Variants in PDGFRA observed in about 807,000 individuals in gnomAD.
The protein encoded by PDGFRA is platelet-derived growth factor receptor alpha.
Under a neutral mutation model 121.5 loss-of-function variants are expected in PDGFRA, and 25 were observed. The ratio of observed to expected loss-of-function variants is 0.21; its 90% CI spans 0.15 to 0.29. The LOEUF is 0.29. Ranked by LOEUF, PDGFRA falls within the 10% of genes least tolerant of loss-of-function variation. PDGFRA has a pLI of 1.00. For missense variants in PDGFRA, 1,008 were observed against 1,345.1 expected (o/e 0.75, Z 3.92); for synonymous variants, 463 against 494.8 (o/e 0.94, Z 0.85).
chr4:54,241,375 A>G (rs1386154940), intron 1 of PDGFRA, among the ~76,000 whole-genome samples: 1 of 152,130 alleles, frequency 6.6e-6, no homozygotes, highest in Non-Finnish European at 1.5e-5. Flanking sequence ...AGGTAGAATG[A>G]CTGATTGTTT....
intron 21 of PDGFRA, among the ~76,000 whole-genome samples, chr4:54,289,924 T>G (rs11133317): frequency 0.76 from 115,628 of 152,220 alleles, 45,569 homozygotes; most frequent in Middle Eastern, 0.89. Flanking sequence ...CATCCAATGT[T>G]AGACCTCTCC....
In PDGFRA at chr4:54,272,283, G is replaced by A. The variant is rs113886999; in HGVS notation, c.1238-111G>A. ...TTGTACAACTGGTTTCAGCCCCTCC[G>A]GAGTGTTTTGAATGCCATGTAGATG... is the stretch of plus-strand genomic sequence containing the variant. On this transcript the variant is annotated intron_variant, in intron 8 of 22. Transcript: ENST00000257290. 129 of 1,131,424 alleles carry A rather than the reference G, an allele frequency of 1.1e-4. No individual in the cohort carries two copies. In the African/African-American group the frequency reaches 1.3e-3, roughly 11 times the overall value. The allele number at this position is 1,131,424 out of a possible 1,614,324, so 70.1% of individuals were successfully genotyped here. A position where few individuals can be genotyped will look rare whatever the true frequency, so the allele number is the denominator to read the frequency against.
At chr4:54,288,370 A>G (rs1259464876) in intron 19 of PDGFRA, among the ~76,000 whole-genome samples, 3 of 152,164 alleles carry the variant, frequency 2.0e-5, no homozygotes, top group African/African-American at 4.8e-5. Flanking sequence ...CAGTGGCTTA[A>G]TGGAGTCCTG....
chr4:54,253,467 G>A (rs769822832), intron 1 of PDGFRA, among the ~76,000 whole-genome samples: 10 of 152,120 alleles, frequency 6.6e-5, no homozygotes, highest in Non-Finnish European at 1.3e-4. Flanking sequence ...AAGAGGATGG[G>A]GGTAAAGCAC....
At chr4:54,243,820 G>A (rs1721449355) in intron 1 of PDGFRA, 1 of 152,360 alleles carries the variant, frequency 6.6e-6, no homozygotes, top group Admixed American at 6.5e-5. Flanking sequence ...GTCAAAGAAA[G>A]GGGTGACAGA....
At chr4:54,259,203 A>G (rs1722549433) in intron 2 of PDGFRA, among the ~76,000 whole-genome samples, 1 of 152,122 alleles carries the variant, frequency 6.6e-6, no homozygotes, top group African/African-American at 2.4e-5. Flanking sequence ...CAGCCCCTTG[A>G]GCAGCTGAGG....
rs559117715 is a variant in PDGFRA at position 54,280,595 on chromosome 4, G to A, written c.2323+113G>A. On this transcript the variant is annotated intron_variant, in intron 16 of 22. Transcript: ENST00000257290. Reference sequence around the variant, plus strand: ...ATGGTAAGTGAACCTGGCAGCCCACGTGGTCTCTAAATGCAGGTCTGCACA... The same window carrying A: ...ATGGTAAGTGAACCTGGCAGCCCACATGGTCTCTAAATGCAGGTCTGCACA... 200 of 836,976 alleles carry A rather than the reference G, an allele frequency of 2.4e-4. 3 individuals carry two copies. In the South Asian group the frequency reaches 2.7e-3, roughly 11 times the overall value. The allele number at this position is 836,976 out of a possible 1,614,324, so 51.8% of individuals were successfully genotyped here. A position where few individuals can be genotyped will look rare whatever the true frequency, so the allele number is the denominator to read the frequency against.
At chr4:54,270,523 GACTTT>G in intron 7 of PDGFRA, 105 bp from the exon 8 acceptor site, 1 of 705,964 alleles carries the variant, frequency 1.4e-6, no homozygotes, top group Non-Finnish European at 2.6e-6. Context: ...AAAAAAAGAT[GACTTT>G]ACTTTTTACA....
At chr4:54,258,945 T>C in intron 2 of PDGFRA, 128 bp downstream of exon 2, 3 of 801,160 alleles carry the variant, frequency 3.7e-6, no homozygotes, top group South Asian at 2.9e-5. Context: ...TAGAAAACTA[T>C]AGGACGTTAT....
chr4:54,273,879 T>C, intron 10 of PDGFRA, 149 bp downstream of exon 10: 1 of 707,404 alleles, frequency 1.4e-6, no homozygotes, highest in Non-Finnish European at 2.4e-6. Flanking sequence ...TGGGACTTTG[T>C]TTTATTTTGT....
intron 1 of PDGFRA, among the ~76,000 whole-genome samples, chr4:54,232,159 C>T (rs1296919985): frequency 6.6e-6 from 1 of 152,214 alleles, no homozygotes; most frequent in South Asian, 2.1e-4. Context: ...AAAGCCGGAT[C>T]GGTGACCGAA....
intron 1 of PDGFRA, among the ~76,000 whole-genome samples, chr4:54,237,589 C>T (rs1376005801): frequency 6.6e-6 from 1 of 152,196 alleles, no homozygotes; most frequent in Non-Finnish European, 1.5e-5. Context: ...ACAAGCATTA[C>T]TGCTAATTGT....
chr4:54,282,450 C>T (rs1442265008), intron 16 of PDGFRA, among the ~76,000 whole-genome samples: 2 of 152,168 alleles, frequency 1.3e-5, no homozygotes, highest in African/African-American at 4.8e-5. Context: ...ACAGTCAGAT[C>T]TTACAAGAAG....
chr4:54,292,625 C>T (rs1196287864), intron 22 of PDGFRA, among the ~76,000 whole-genome samples: 1 of 152,032 alleles, frequency 6.6e-6, no homozygotes, highest in Non-Finnish European at 1.5e-5. Flanking sequence ...CGCATGTTTA[C>T]CCATGTAACA....
intron 1 of PDGFRA, among the ~76,000 whole-genome samples, chr4:54,241,709 C>G (rs1413395886): frequency 2.0e-5 from 3 of 152,066 alleles, no homozygotes; most frequent in East Asian, 3.9e-4. Flanking sequence ...ACCACCACAC[C>G]TGGCTAATTT....
At chr4:54,257,906 G>T (rs114502992) in intron 1 of PDGFRA, among the ~76,000 whole-genome samples, 2,339 of 152,138 alleles carry the variant, frequency 0.015, 59 homozygotes, top group African/African-American at 0.052. Context: ...ATTTGTGTCT[G>T]ACTCAATTTC....
At chr4:54,287,772 C>T (rs1371614183) in intron 19 of PDGFRA, among the ~76,000 whole-genome samples, 1 of 152,166 alleles carries the variant, frequency 6.6e-6, no homozygotes, top group African/African-American at 2.4e-5. Context: ...GCCTCTGCCC[C>T]TCCTCTCCTT....
chr4:54,238,911 T>G (rs543636622), intron 1 of PDGFRA, among the ~76,000 whole-genome samples: 3 of 152,196 alleles, frequency 2.0e-5, no homozygotes, highest in Non-Finnish European at 4.4e-5. Context: ...GGATGGAGGC[T>G]GCGGTGAGCT....
intron 10 of PDGFRA, 64 bp from the exon 11 acceptor site, chr4:54,274,467 C>A (rs2110295523): frequency 8.7e-7 from 1 of 1,151,952 alleles, no homozygotes; most frequent in South Asian, 1.2e-5. Context: ...GCCACACTAC[C>A]TTGCTGCCCC....
Sources: gnomAD v4.1 joint callset for allele counts (sites outside exome capture counted in the v4.1 genomes callset) on GRCh38, gnomAD v4.1.1 for gene constraint, MANE v1.5 for transcripts, NCBI Gene and HGNC (gene_info 2026-07-23, HGNC 2026-07-21) for gene names.